SPTAN1: variants seen among roughly 807,000 people sequenced by gnomAD.
SPTAN1 encodes spectrin alpha chain, non-erythrocytic 1.
SPTAN1 carries 61 observed loss-of-function variants against 331.3 expected under a neutral mutation model. The ratio of observed to expected loss-of-function variants is 0.18; its 90% confidence interval spans 0.15 to 0.23. SPTAN1 has a LOEUF of 0.23. Ranked by LOEUF, SPTAN1 falls within the 10% of genes least tolerant of loss-of-function variation. The pLI is 1.00. For missense variants in SPTAN1, 2,043 were observed against 3,147.9 expected (o/e 0.65, Z 8.40); for synonymous variants, 1,153 against 1,173.9 (o/e 0.98, Z 0.36).
Position 128,552,607 on chromosome 9 carries a change from G to C in SPTAN1, c.-93G>C, listed in dbSNP as rs1483171108. On this transcript the variant is annotated 5_prime_UTR_variant, in exon 1 of 57. Transcript: ENST00000372739. This position sits in a 1 kb window ranked among gnomAD's most constrained non-coding sequence, Gnocchi z 4.6. The stretch of plus-strand genomic sequence containing the variant: ...TCGCCGCCACTACCCGCTGCGGAGT[G>C]AACGGTGTGGAGCGGAGGCCGCGGA... 6.6e-6 allele frequency: 1 copy of C among 151,552 alleles called. No homozygotes were observed. Among genetic ancestry groups the C allele is most frequent in the East Asian group, 2.0e-4 (1 of 5,124 alleles). The allele number at this position is 151,552 out of a possible 1,614,324, so 9.4% of individuals were successfully genotyped here.
chr9:128,629,876 C>T lies in SPTAN1; in HGVS notation c.6708-445C>T, dbSNP rs142148896. On this transcript the variant is annotated intron_variant, in intron 51 of 56. Transcript: ENST00000372739. This position sits in a 1 kb window ranked among gnomAD's most constrained non-coding sequence, Gnocchi z 4.9. ...GGGCTCCCTCCCTCAGGAACCTTGC[C>T]GGGACACTCCAGGGTTTCTGTGGGG... 76 of 336,278 alleles carry T rather than the reference C, an allele frequency of 2.3e-4. No homozygotes were observed. Among genetic ancestry groups the T allele is most frequent in the African/African-American group, 1.1e-3 (52 of 46,684 alleles). 20.8% of individuals were successfully genotyped at this position (336,278 alleles called of 1,614,324 possible). A position where few individuals can be genotyped will look rare whatever the true frequency, so the allele number is the denominator to read the frequency against.
intron 31 of SPTAN1, 79 bp from the exon 32 acceptor site, chr9:128,607,525 G>T (rs1474337692): frequency 2.4e-6 from 3 of 1,239,738 alleles, no homozygotes; most frequent in Non-Finnish European, 3.6e-6. Context: ...CAAGAATTAT[G>T]TCATTCTCTG....
At position 128,582,762 on chromosome 9, in the gene SPTAN1, C is replaced by A; in HGVS notation, c.1719C>A (p.Phe573Leu). 1 of 1,614,096 alleles carries A rather than the reference C, an allele frequency of 6.2e-7. No individual in the cohort carries two copies. Among genetic ancestry groups the A allele is most frequent in the Non-Finnish European group, 8.5e-7 (1 of 1,180,030 alleles). ...MRRRAQLADS[F>L]HLQQFFRDSD... ...GCCGGGCCCAGCTAGCCGATTCTTT[C>A]CATCTGCAGCAGTTTTTCCGTGATT... Residue 573 changes from phenylalanine (F) to leucine (L), a missense_variant, in exon 14 of 57, where the codon TTC becomes TTA. Phe to Leu is a conservative substitution (Grantham distance 22, BLOSUM62 0). Transcript: ENST00000372739.
At chr9:128,594,407 G>C (rs374574349) in intron 24 of SPTAN1, 34 bp downstream of exon 24, 1 of 1,064,884 alleles carries the variant, frequency 9.4e-7, no homozygotes, top group African/African-American at 1.6e-5. Context: ...CTGAAAATTT[G>C]TTTAAAGATT....
At chr9:128,588,741 T>A in intron 20 of SPTAN1, 68 bp from the exon 21 acceptor site, 1 of 1,606,022 alleles carries the variant, frequency 6.2e-7, no homozygotes, top group Non-Finnish European at 8.5e-7. Flanking sequence ...CATTTGAATC[T>A]GCTCTGTACT....
intron 37 of SPTAN1, 42 bp downstream of exon 37, chr9:128,609,707 C>T: frequency 7.2e-7 from 1 of 1,382,162 alleles, no homozygotes; most frequent in South Asian, 1.5e-5. Context: ...TAAATGAGCT[C>T]CAGTATTTGT....
chr9:128,632,090 GC>G (rs748379097), intron 52 of SPTAN1, 36 bp from the exon 53 acceptor site: 1 of 1,605,456 alleles, frequency 6.2e-7, no homozygotes, highest in Admixed American at 1.7e-5. Context: ...TGAGCTGAGG[GC>G]CCCCGTCTGA....
At chr9:128,572,367 T>C (rs1850829689) in intron 3 of SPTAN1, among the ~76,000 whole-genome samples, 1 of 152,172 alleles carries the variant, frequency 6.6e-6, no homozygotes, top group African/African-American at 2.4e-5. Flanking sequence ...CGCTCTCAAA[T>C]AATAGTAAGC....
intron 42 of SPTAN1, 38 bp from the exon 43 acceptor site, chr9:128,617,949 A>G (rs568373026): frequency 6.2e-7 from 1 of 1,614,108 alleles, no homozygotes. Context: ...GCACCAGAAG[A>G]GCTACCTGCT....
At chr9:128,630,459 T>C in intron 52 of SPTAN1, 84 bp downstream of exon 52, 1 of 1,384,942 alleles carries the variant, frequency 7.2e-7, no homozygotes, top group Non-Finnish European at 1.0e-6. Context: ...TGGCTTAAAG[T>C]CAGGAACCAG....
intron 27 of SPTAN1, among the ~76,000 whole-genome samples, 182 bp downstream of exon 27, chr9:128,600,297 G>C (rs1285056135): frequency 6.6e-6 from 1 of 152,212 alleles, no homozygotes; most frequent in Non-Finnish European, 1.5e-5. Flanking sequence ...TACAAAAGCA[G>C]AGTGTCTGTC....
At position 128,624,465 on chromosome 9, in the gene SPTAN1, G is replaced by T; in HGVS notation, c.5970G>T (p.Ala1990=). 1 of 1,613,476 alleles carries T rather than the reference G, an allele frequency of 6.2e-7. No homozygotes were observed. The highest frequency in any genetic ancestry group is 8.5e-7 in the Non-Finnish European group (1 of 1,180,024). ...NSAFLQFNWK[A]DVVESWIGEK... is the part of the protein sequence containing the mutation. Reference sequence around the variant, plus strand: ...CCTTCCTTCAGTTCAACTGGAAGGCGGACGTGGTGGAGTCCTGGATCGGTG... The same window carrying T: ...CCTTCCTTCAGTTCAACTGGAAGGCTGACGTGGTGGAGTCCTGGATCGGTG... Residue 1990 remains alanine, a synonymous_variant, in exon 46 of 57, where the codon GCG becomes GCT. Transcript: ENST00000372739.
At chr9:128,591,387 C>A in intron 21 of SPTAN1, 90 bp from the exon 22 acceptor site, 1 of 1,561,006 alleles carries the variant, frequency 6.4e-7, no homozygotes. Context: ...CTTAAAACAA[C>A]GCTCTCGTGT....
In SPTAN1 at chr9:128,624,954, G is replaced by T. The variant is rs187375163; in HGVS notation, c.5993-149G>T. 1.4e-4 allele frequency: 106 copies of T among 752,414 alleles called. No homozygotes were observed. In the African/African-American group the frequency reaches 1.6e-3, roughly 11 times the overall value. The allele number at this position is 752,414 out of a possible 1,614,324, so 46.6% of individuals were successfully genotyped here. Reference sequence around the variant, plus strand: ...GGAGGCCAGGCCTGGGTGCAGGGAGGGGCCTGCTAATGTGGGTTCTGAGGC... The same window carrying T: ...GGAGGCCAGGCCTGGGTGCAGGGAGTGGCCTGCTAATGTGGGTTCTGAGGC... On this transcript the variant is annotated intron_variant, in intron 46 of 56. Transcript: ENST00000372739.
intron 52 of SPTAN1, among the ~76,000 whole-genome samples, chr9:128,631,085 T>A (rs1400707647): frequency 6.6e-6 from 1 of 152,148 alleles, no homozygotes; most frequent in Non-Finnish European, 1.5e-5. Context: ...TCTCCAGTGA[T>A]CTGTCCACCT....
At chr9:128,560,256 T>C (rs1849150314) in intron 1 of SPTAN1, among the ~76,000 whole-genome samples, 1 of 151,820 alleles carries the variant, frequency 6.6e-6, no homozygotes, top group African/African-American at 2.4e-5. Flanking sequence ...GCTAATTTTT[T>C]GTATTTTAAT....
rs78064656 is a variant in SPTAN1 at position 128,583,642 on chromosome 9, T to C, written c.2012-146T>C. 6.1e-3 allele frequency: 5,357 copies of C among 880,122 alleles called. 178 individuals are homozygous for C. In the African/African-American group the frequency reaches 0.079, roughly 13 times the overall value. The allele number at this position is 880,122 out of a possible 1,614,324, so 54.5% of individuals were successfully genotyped here. A position where few individuals can be genotyped will look rare whatever the true frequency, so the allele number is the denominator to read the frequency against. ...TGAGAAGGTAGAGCAGAGGCTGCAA[T>C]TGATATTTTCTTTCTCTTTGTGACA... On this transcript the variant is annotated intron_variant, in intron 15 of 56. Coordinates refer to ENST00000372739, the MANE Select transcript of SPTAN1 (RefSeq NM_001130438.3).
At chr9:128,586,135 T>G (rs1852597446) in intron 19 of SPTAN1, among the ~76,000 whole-genome samples, 170 bp downstream of exon 19, 1 of 140,958 alleles carries the variant, frequency 7.1e-6, no homozygotes, top group Admixed American at 7.1e-5. Context: ...TTTTTTTTTT[T>G]TTGGAGACAG....
chr9:128,628,829 C>A, intron 51 of SPTAN1: 1 of 308,524 alleles, frequency 3.2e-6, no homozygotes. Flanking sequence ...GTAGGACACC[C>A]TGGCCACCTG....
Sources: allele counts gnomAD v4.1 joint callset (sites outside exome capture counted in the v4.1 genomes callset), GRCh38; gene constraint gnomAD v4.1.1; non-coding constraint Gnocchi (gnomAD v3.1); transcripts MANE v1.5; gene names NCBI Gene and HGNC (gene_info 2026-07-23, HGNC 2026-07-21).